Variants in PNOC observed in about 807,000 individuals in gnomAD.
PNOC encodes the protein prepronociceptin, also known as nociceptin.
A neutral mutation model predicts 15.6 loss-of-function variants in PNOC; 10 were observed. That is an observed-to-expected ratio of 0.64 (90% CI 0.40 to 1.09). PNOC has a LOEUF of 1.09. PNOC is among the 50% of genes least tolerant of loss of function. The probability of loss-of-function intolerance (pLI) is 0.01; values close to 1 mark genes in which losing one functional copy is unlikely to be tolerated. For synonymous variants in PNOC, 98 were observed against 88.5 expected (o/e 1.11, Z -0.60); for missense variants, 220 against 223.9 (o/e 0.98, Z 0.11).
At position 28,343,071 on chromosome 8, in the gene PNOC, C is replaced by A; in HGVS notation, c.*177C>A. 1 of 831,064 alleles carries A rather than the reference C, an allele frequency of 1.2e-6. No individual in the cohort carries two copies. Among genetic ancestry groups the A allele is most frequent in the Non-Finnish European group, 1.5e-6 (1 of 688,470 alleles). The allele number at this position is 831,064 out of a possible 1,614,324, so 51.5% of individuals were successfully genotyped here. The stretch of plus-strand genomic sequence containing the variant: ...GGCTTCGTTTGCCTCCAGAACCTTC[C>A]CGTCTGATTGTTCCTCCCCAGCCCC... On this transcript the variant is annotated 3_prime_UTR_variant, in exon 4 of 4. Coordinates refer to ENST00000301908, the MANE Select transcript of PNOC (RefSeq NM_006228.5).
At chr8:28,320,213 C>T (rs1801127548) in intron 1 of PNOC, among the ~76,000 whole-genome samples, 1 of 147,604 alleles carries the variant, frequency 6.8e-6, no homozygotes, top group African/African-American at 2.5e-5. Flanking sequence ...GCATGCCTCA[C>T]CATGCACCCC....
intron 3 of PNOC, among the ~76,000 whole-genome samples, chr8:28,341,330 A>G (rs1801516054): frequency 6.6e-6 from 1 of 152,214 alleles, no homozygotes; most frequent in African/African-American, 2.4e-5. Context: ...GCCCCAAATT[A>G]ACCTGCACTG....
chr8:28,339,084 C>T lies in PNOC; in HGVS notation c.171C>T (p.Leu57=), dbSNP rs758078309. Reference sequence around the variant, plus strand: ...AAGAGAAGGTCTTCCCCAGCCCCCTCTGGACTCCATGCACCAAGGTCATGG... The same window carrying T: ...AAGAGAAGGTCTTCCCCAGCCCCCTTTGGACTCCATGCACCAAGGTCATGG... ...ECEEKVFPSP[L]WTPCTKVMAR... is the part of the protein sequence containing the mutation. The change falls in exon 3 of 4, where the codon CTC becomes CTT. Residue 57 remains leucine (L), a synonymous_variant. Coordinates refer to ENST00000301908, the MANE Select transcript of PNOC (RefSeq NM_006228.5). 2 of 1,601,008 alleles carry T rather than the reference C, an allele frequency of 1.2e-6. No individual in the cohort carries two copies. The highest frequency in any genetic ancestry group is 8.6e-7 in the Non-Finnish European group (1 of 1,168,982).
chr8:28,330,390 T>TC (rs1801303084), intron 2 of PNOC, among the ~76,000 whole-genome samples: 1 of 78,068 alleles, frequency 1.3e-5, no homozygotes, highest in Non-Finnish European at 3.0e-5. Context: ...TATTTTATTT[T>TC]ATTTTATTTT....
intron 1 of PNOC, among the ~76,000 whole-genome samples, chr8:28,319,836 T>C (rs1316892306): frequency 6.6e-6 from 1 of 152,134 alleles, no homozygotes; most frequent in Non-Finnish European, 1.5e-5. Flanking sequence ...GTCCTGACAA[T>C]GAGTGGCTGG....
At chr8:28,326,684 A>G (rs938831354) in intron 1 of PNOC, among the ~76,000 whole-genome samples, 1 of 152,162 alleles carries the variant, frequency 6.6e-6, no homozygotes, top group Middle Eastern at 3.2e-3. Flanking sequence ...ACATGGTGAA[A>G]CCCTGTCTCC....
intron 2 of PNOC, among the ~76,000 whole-genome samples, chr8:28,330,684 G>A (rs2129877106): frequency 6.6e-6 from 1 of 150,970 alleles, no homozygotes. Flanking sequence ...TTACAGGCGT[G>A]AGCCACCACG....
At chr8:28,318,321 AC>A (rs1162453385) in intron 1 of PNOC, among the ~76,000 whole-genome samples, 1 of 152,110 alleles carries the variant, frequency 6.6e-6, no homozygotes, top group East Asian at 1.9e-4. Flanking sequence ...GGACTTGAAT[AC>A]CCCCATCCTG....
chr8:28,337,652 G>C (rs1207187793), intron 2 of PNOC, among the ~76,000 whole-genome samples: 1 of 140,242 alleles, frequency 7.1e-6, no homozygotes, highest in African/African-American at 2.6e-5. Context: ...GCACGATCTC[G>C]GTTCACTGCA....
chr8:28,341,593 A>T (rs1408771578), intron 3 of PNOC, among the ~76,000 whole-genome samples: 1 of 152,178 alleles, frequency 6.6e-6, no homozygotes, highest in Non-Finnish European at 1.5e-5. Flanking sequence ...TTTATTTTTT[A>T]AAAAATGATT....
intron 1 of PNOC, among the ~76,000 whole-genome samples, chr8:28,327,561 A>ATT (rs1801245259): frequency 7.6e-6 from 1 of 131,544 alleles, no homozygotes. Flanking sequence ...AACAACATAA[A>ATT]ATTCTTTTCT....
chr8:28,321,206 ATTT>A (rs34876674), intron 1 of PNOC, among the ~76,000 whole-genome samples: 1 of 122,790 alleles, frequency 8.1e-6, no homozygotes, highest in East Asian at 2.4e-4. Context: ...ACCTAGCTAA[ATTT>A]TTTTTTTTTT....
chr8:28,330,417 C>A (rs1222296234), intron 2 of PNOC, among the ~76,000 whole-genome samples: 1 of 17,840 alleles, frequency 5.6e-5, no homozygotes, highest in African/African-American at 2.1e-4. Context: ...TTTTTTGAGA[C>A]GGAGTCTTGC....
Position 28,329,270 on chromosome 8 carries a change from G to T in PNOC, c.113G>T (p.Ser38Ile), listed in dbSNP as rs374745274. The T allele has an allele frequency of 3.1e-6, 5 of 1,613,450 alleles. No homozygotes were observed. The South Asian group carries it at 3.3e-5, about 11-fold the overall frequency. ...CQEKLHPALD[S>I]FDLEVCILEC... ...GAGAAGCTCCACCCAGCCCTGGACA[G>T]CTTCGACCTGGAGGTAGGTCTCCAA... is the stretch of plus-strand genomic sequence containing the variant. Residue 38 changes from serine (S) to isoleucine (I), a missense_variant, in exon 2 of 4, where the codon AGC (serine) becomes ATC (isoleucine). By Grantham distance (142) the Ser-to-Ile change is moderately radical. Coordinates refer to ENST00000301908, the MANE Select transcript of PNOC (RefSeq NM_006228.5).
upstream of PNOC, chr8:28,317,118 G>A (rs893436057): frequency 2.0e-5 from 3 of 152,726 alleles, no homozygotes; most frequent in African/African-American, 4.8e-5. Context: ...TGGCAGAGCC[G>A]GGGGAAGGGA....
At chr8:28,323,620 C>G (rs1190526121) in intron 1 of PNOC, among the ~76,000 whole-genome samples, 1 of 152,234 alleles carries the variant, frequency 6.6e-6, no homozygotes, top group East Asian at 1.9e-4. Context: ...TGCAGTCACA[C>G]AGGTCCACAG....
chr8:28,333,395 G>A (rs550376242), intron 2 of PNOC, among the ~76,000 whole-genome samples: 6 of 152,304 alleles, frequency 3.9e-5, no homozygotes, highest in South Asian at 2.1e-4. Flanking sequence ...TGCCATCAGC[G>A]TGGGCTGCCA....
chr8:28,330,391 A>ATTTTATTTTATTTTATTTTT (rs1554517520), intron 2 of PNOC, among the ~76,000 whole-genome samples: 2 of 76,082 alleles, frequency 2.6e-5, no homozygotes, highest in Non-Finnish European at 2.9e-5. Context: ...ATTTTATTTT[A>ATTTTATTTTATTTTATTTTT]TTTTATTTTT....
At chr8:28,319,655 C>T (rs888943864) in intron 1 of PNOC, among the ~76,000 whole-genome samples, 1 of 152,168 alleles carries the variant, frequency 6.6e-6, no homozygotes, top group African/African-American at 2.4e-5. Flanking sequence ...TTCAGGTGAG[C>T]GTTCTCTACT....
Sources: allele counts gnomAD v4.1 joint callset (sites outside exome capture counted in the v4.1 genomes callset), GRCh38; gene constraint gnomAD v4.1.1; transcripts MANE v1.5; gene names NCBI Gene and HGNC (gene_info 2026-07-23, HGNC 2026-07-21).